The following EIF2B3 variants were observed in gnomAD, a reference collection of about 807,000 sequenced individuals.
The protein encoded by EIF2B3 is translation initiation factor eIF2B subunit gamma.
In EIF2B3, 20 loss-of-function variants were observed where a neutral mutation model predicts 54.1. That is an observed-to-expected ratio of 0.37 (90% CI 0.26 to 0.54). EIF2B3 has a LOEUF of 0.54. EIF2B3 is among the 20% of genes least tolerant of loss of function. EIF2B3 has a pLI of 0.86. For synonymous variants in EIF2B3, 153 were observed against 188.1 expected, an observed-to-expected ratio of 0.81 and a Z score of 1.52; for missense variants, 448 against 547.8, an observed-to-expected ratio of 0.82 and a Z score of 1.82.
chr1:44,874,488 A>T, intron 10 of EIF2B3, 190 bp downstream of exon 10: 1 of 634,712 alleles, frequency 1.6e-6, no homozygotes, highest in Non-Finnish European at 2.7e-6. Context: ...TTTATTTTCC[A>T]TTTTAGAGGA....
At chr1:44,925,308 G>C (rs1170166311) in intron 5 of EIF2B3, 1 of 152,084 alleles carries the variant, frequency 6.6e-6, no homozygotes, top group African/African-American at 2.4e-5. Context: ...AAGATAAATG[G>C]ATGACAAAAT....
chr1:44,916,314 T>C (rs1010851302), intron 5 of EIF2B3, among the ~76,000 whole-genome samples: 1 of 152,008 alleles, frequency 6.6e-6, no homozygotes, highest in African/African-American at 2.4e-5. Flanking sequence ...CTCTGCCTCC[T>C]GGGCTCACAC....
At chr1:44,884,049 G>A (rs991566376) in intron 6 of EIF2B3, among the ~76,000 whole-genome samples, 1 of 152,110 alleles carries the variant, frequency 6.6e-6, no homozygotes, top group South Asian at 2.1e-4. Context: ...ATGTTGCCCA[G>A]GCTGGTCTTG....
intron 5 of EIF2B3, among the ~76,000 whole-genome samples, chr1:44,910,105 G>GT (rs1384720171): frequency 1.3e-5 from 2 of 152,116 alleles, no homozygotes; most frequent in Non-Finnish European, 2.9e-5. Context: ...AGAAAACAAT[G>GT]TAACATTGGG....
At chr1:44,900,841 T>A (rs190196257) in intron 5 of EIF2B3, among the ~76,000 whole-genome samples, 10 of 152,360 alleles carry the variant, frequency 6.6e-5, no homozygotes, top group Non-Finnish European at 1.3e-4. Context: ...TCTTTTCATG[T>A]GCTTGTTAGC....
chr1:44,917,840 C>T (rs1299205066), intron 5 of EIF2B3, among the ~76,000 whole-genome samples: 3 of 125,766 alleles, frequency 2.4e-5, no homozygotes, highest in Non-Finnish European at 4.7e-5. Context: ...GTGGTGCGAT[C>T]TCGGCTCACT....
At chr1:44,953,319 T>C (rs1322219356) in intron 3 of EIF2B3, among the ~76,000 whole-genome samples, 2 of 152,076 alleles carry the variant, frequency 1.3e-5, no homozygotes, top group East Asian at 1.9e-4. Context: ...ATTTCTGCCC[T>C]GTTTTTCTTC....
chr1:44,901,361 C>T (rs1643294036), intron 5 of EIF2B3, among the ~76,000 whole-genome samples: 1 of 151,990 alleles, frequency 6.6e-6, no homozygotes, highest in African/African-American at 2.4e-5. Context: ...GGTGATCCAC[C>T]CGCCTCGGCC....
intron 3 of EIF2B3, among the ~76,000 whole-genome samples, chr1:44,971,708 C>G (rs531381301): frequency 6.6e-6 from 1 of 152,238 alleles, no homozygotes; most frequent in South Asian, 2.1e-4. Flanking sequence ...CAGTAAGATA[C>G]TAACTCATGC....
intron 5 of EIF2B3, among the ~76,000 whole-genome samples, chr1:44,916,873 T>A (rs1449326441): frequency 6.6e-6 from 1 of 151,970 alleles, no homozygotes; most frequent in East Asian, 1.9e-4. Context: ...AGTCTTTTCA[T>A]GCCTGAGAAT....
intron 4 of EIF2B3, among the ~76,000 whole-genome samples, chr1:44,929,772 A>AT (rs1643880996): frequency 6.6e-6 from 1 of 152,210 alleles, no homozygotes; most frequent in African/African-American, 2.4e-5. Context: ...CCTGGGAGCA[A>AT]TAATTTCCAG....
At chr1:44,878,398 G>C (rs1655267060) in intron 8 of EIF2B3, among the ~76,000 whole-genome samples, 1 of 152,148 alleles carries the variant, frequency 6.6e-6, no homozygotes, top group South Asian at 2.1e-4. Context: ...GAGAAGCTGG[G>C]ATTACAGGTG....
At chr1:44,860,813 T>C (rs1441769169) in intron 10 of EIF2B3, among the ~76,000 whole-genome samples, 1 of 151,646 alleles carries the variant, frequency 6.6e-6, no homozygotes, top group Non-Finnish European at 1.5e-5. Context: ...ATAGAGAGGG[T>C]GTAAGCACCC....
intron 5 of EIF2B3, among the ~76,000 whole-genome samples, chr1:44,910,631 CTTTTTTTTT>C (rs60757270): frequency 1.6e-5 from 1 of 61,426 alleles, no homozygotes; most frequent in African/African-American, 5.9e-5. Flanking sequence ...CCAAGTAATG[CTTTTTTTTT>C]TTTTTTTTTT....
chr1:44,918,241 G>A (rs1035475454), intron 5 of EIF2B3, among the ~76,000 whole-genome samples: 9 of 145,572 alleles, frequency 6.2e-5, no homozygotes, highest in Middle Eastern at 3.7e-3. Context: ...CCACCACCAC[G>A]CTCAAATAAT....
intron 1 of EIF2B3, among the ~76,000 whole-genome samples, chr1:44,983,867 T>A (rs1385415277): frequency 6.6e-6 from 1 of 151,610 alleles, no homozygotes; most frequent in African/African-American, 2.4e-5. Context: ...CCACCATACT[T>A]GGCTAATTCT....
intron 3 of EIF2B3, chr1:44,958,491 G>T (rs1255285752): frequency 1.1e-6 from 1 of 871,068 alleles, no homozygotes; most frequent in Non-Finnish European, 1.8e-6. Flanking sequence ...TGGATATACA[G>T]TAGATGATTA....
chr1:44,864,519 G>T (rs1160939175), intron 10 of EIF2B3, among the ~76,000 whole-genome samples: 1 of 152,150 alleles, frequency 6.6e-6, no homozygotes, highest in Non-Finnish European at 1.5e-5. Flanking sequence ...CCAAGATCAT[G>T]CCACTGCACT....
At chr1:44,931,604 G>C (rs1018422871) in intron 4 of EIF2B3, among the ~76,000 whole-genome samples, 6 of 152,188 alleles carry the variant, frequency 3.9e-5, no homozygotes, top group African/African-American at 1.4e-4. Flanking sequence ...ACGAACATTT[G>C]TTATGTAGTA....
Sources: gnomAD v4.1 joint callset for allele counts (sites outside exome capture counted in the v4.1 genomes callset) on GRCh38, gnomAD v4.1.1 for gene constraint, MANE v1.5 for transcripts, NCBI Gene and HGNC (gene_info 2026-07-23, HGNC 2026-07-21) for gene names.